The following PKIB variants were observed in gnomAD, a reference collection of about 807,000 sequenced individuals.
PKIB encodes the protein PKI-beta.
Under a neutral mutation model 4.5 loss-of-function variants are expected in PKIB, and 2 were observed. The ratio of observed to expected loss-of-function variants is 0.44; its 90% CI spans 0.18 to 1.39. The LOEUF (loss-of-function observed/expected upper bound fraction) is 1.39. Ranked by LOEUF, PKIB falls within the 40% of genes most tolerant of loss-of-function variation. The probability of loss-of-function intolerance (pLI) is 0.27; values close to 1 mark genes in which losing one functional copy is unlikely to be tolerated. For missense variants in PKIB, 94 were observed against 92.6 expected (o/e 1.02, Z -0.06); for synonymous variants, 38 against 36.0 (o/e 1.06, Z -0.20).
chr6:122,594,969 C>T (rs184052599), intron 3 of PKIB, among the ~76,000 whole-genome samples: 6 of 152,272 alleles, frequency 3.9e-5, no homozygotes, highest in Admixed American at 3.3e-4. Flanking sequence ...AGAAGGACCC[C>T]AAAGTGTCCA....
intron 2 of PKIB, among the ~76,000 whole-genome samples, chr6:122,538,274 A>G (rs1299338370): frequency 6.6e-6 from 1 of 152,092 alleles, no homozygotes; most frequent in Non-Finnish European, 1.5e-5. Context: ...CCTGAATGGT[A>G]TTGCCTAGGT....
At chr6:122,483,978 C>T (rs1582649507) in intron 2 of PKIB, 1 of 152,106 alleles carries the variant, frequency 6.6e-6, no homozygotes, top group African/African-American at 2.4e-5. Context: ...GCCACCCTAC[C>T]ATAGCTAGGA....
chr6:122,631,531 T>G (rs1430843606), intron 1 of PKIB, among the ~76,000 whole-genome samples: 1 of 152,174 alleles, frequency 6.6e-6, no homozygotes, highest in Non-Finnish European at 1.5e-5. Flanking sequence ...AGGAAGCAAG[T>G]TTATACTTCT....
intron 4 of PKIB, among the ~76,000 whole-genome samples, chr6:122,719,535 G>C (rs745526290): frequency 2.6e-5 from 4 of 152,162 alleles, no homozygotes; most frequent in Non-Finnish European, 5.9e-5. Context: ...GAATCAGAGA[G>C]TAGAATGGTA....
chr6:122,604,870 T>C (rs1275042931), intron 3 of PKIB, among the ~76,000 whole-genome samples: 1 of 152,206 alleles, frequency 6.6e-6, no homozygotes, highest in African/African-American at 2.4e-5. Context: ...ACTACAATGG[T>C]AATGAAGGAA....
At chr6:122,600,773 A>G (rs950327645) in intron 3 of PKIB, among the ~76,000 whole-genome samples, 3 of 152,170 alleles carry the variant, frequency 2.0e-5, no homozygotes, top group African/African-American at 7.2e-5. Flanking sequence ...GATGTCTGGA[A>G]TCTAATAAAA....
chr6:122,601,379 G>T (rs1458621763), intron 3 of PKIB, among the ~76,000 whole-genome samples: 1 of 152,026 alleles, frequency 6.6e-6, no homozygotes, highest in Non-Finnish European at 1.5e-5. Flanking sequence ...TAGAGAAAAA[G>T]AGTTTGTACA....
chr6:122,654,047 T>C (rs1401630972), intron 2 of PKIB, among the ~76,000 whole-genome samples: 1 of 152,208 alleles, frequency 6.6e-6, no homozygotes, highest in African/African-American at 2.4e-5. Context: ...TCTCCAATTA[T>C]GGTCAGCAAG....
intron 2 of PKIB, among the ~76,000 whole-genome samples, chr6:122,576,689 A>AAAAAAAAATATAT (rs1345822382): frequency 8.7e-5 from 3 of 34,314 alleles, no homozygotes; most frequent in African/African-American, 3.9e-4. Context: ...AAAAAAAAAA[A>AAAAAAAAATATAT]ATATATATAT....
intron 2 of PKIB, among the ~76,000 whole-genome samples, chr6:122,564,861 T>A (rs544416721): frequency 1.3e-5 from 2 of 152,302 alleles, no homozygotes; most frequent in South Asian, 4.1e-4. Context: ...TTCCAAGCAT[T>A]TGCCGCCAGT....
chr6:122,556,300 C>G (rs1384856115), intron 2 of PKIB, among the ~76,000 whole-genome samples: 1 of 152,224 alleles, frequency 6.6e-6, no homozygotes, highest in Non-Finnish European at 1.5e-5. Flanking sequence ...AATTAAACCT[C>G]TTTCCTTTAT....
At chr6:122,606,402 G>A (rs894367355), upstream of PKIB, among the ~76,000 whole-genome samples, 2 of 151,950 alleles carry the variant, frequency 1.3e-5, no homozygotes, top group Admixed American at 6.6e-5. Flanking sequence ...GTGAAACCCC[G>A]TCTCTGCAAA....
At chr6:122,639,522 T>C (rs1776048700) in intron 2 of PKIB, among the ~76,000 whole-genome samples, 1 of 152,202 alleles carries the variant, frequency 6.6e-6, no homozygotes, top group African/African-American at 2.4e-5. Flanking sequence ...GACACTGCAA[T>C]TCTCCAGAGT....
At chr6:122,632,170 G>T (rs1212055572) in intron 1 of PKIB, among the ~76,000 whole-genome samples, 3 of 152,162 alleles carry the variant, frequency 2.0e-5, no homozygotes, top group Non-Finnish European at 4.4e-5. Flanking sequence ...AACATTAAGA[G>T]CCTGGAATAG....
At chr6:122,576,698 A>ATATATG (rs1562257624) in intron 2 of PKIB, among the ~76,000 whole-genome samples, 1 of 114,472 alleles carries the variant, frequency 8.7e-6, no homozygotes, top group African/African-American at 3.5e-5. Flanking sequence ...AAATATATAT[A>ATATATG]TATATATATA....
chr6:122,532,392 A>G (rs1462523118), intron 2 of PKIB, among the ~76,000 whole-genome samples: 2 of 152,174 alleles, frequency 1.3e-5, no homozygotes, highest in African/African-American at 4.8e-5. Context: ...ACACAAAACA[A>G]AAATTGCCTT....
At chr6:122,660,192 C>T (rs913376078) in intron 2 of PKIB, among the ~76,000 whole-genome samples, 1 of 152,190 alleles carries the variant, frequency 6.6e-6, no homozygotes, top group Non-Finnish European at 1.5e-5. Flanking sequence ...GTGGGTTTCT[C>T]ATAGTCATAT....
intron 2 of PKIB, among the ~76,000 whole-genome samples, chr6:122,498,306 C>T (rs1776132853): frequency 6.6e-6 from 1 of 152,096 alleles, no homozygotes; most frequent in Non-Finnish European, 1.5e-5. Flanking sequence ...ATTTTTAAAA[C>T]CAGTAGATCT....
chr6:122,587,631 A>T (rs1220301762), intron 3 of PKIB, among the ~76,000 whole-genome samples: 1 of 152,202 alleles, frequency 6.6e-6, no homozygotes, highest in Non-Finnish European at 1.5e-5. Flanking sequence ...GAACTAGTTT[A>T]CAGCCCCACC....
Sources: gnomAD v4.1 joint callset for allele counts (sites outside exome capture counted in the v4.1 genomes callset) on GRCh38, gnomAD v4.1.1 for gene constraint, MANE v1.5 for transcripts, NCBI Gene and HGNC (gene_info 2026-07-23, HGNC 2026-07-21) for gene names.